CAMSAP1: variants seen among roughly 807,000 people sequenced by gnomAD.
The protein encoded by CAMSAP1 is calmodulin regulated spectrin associated protein 1.
Under a neutral mutation model 143.5 loss-of-function variants are expected in CAMSAP1, and 58 were observed. That is an observed-to-expected ratio of 0.40 (90% CI 0.33 to 0.50). The LOEUF is 0.50. Among genes scored for constraint, CAMSAP1 ranks in the 20% least tolerant of loss-of-function variants. CAMSAP1 has a pLI of 0.45. For missense variants in CAMSAP1, 1,969 were observed against 2,115.7 expected (o/e 0.93, Z 1.36); for synonymous variants, 945 against 859.3 (o/e 1.10, Z -1.74).
At chr9:135,869,799 T>A (rs1217560863) in intron 3 of CAMSAP1, among the ~76,000 whole-genome samples, 1 of 152,092 alleles carries the variant, frequency 6.6e-6, no homozygotes, top group East Asian at 1.9e-4. Flanking sequence ...AACTGATAAA[T>A]GAATAAACAA....
rs1392732446 is a variant in CAMSAP1, at chr9:135,809,511, A to G, written c.*1798T>C. The G allele has an allele frequency of 6.6e-6, 1 of 152,492 alleles. No individual in the cohort carries two copies. Among genetic ancestry groups the G allele is most frequent in the East Asian group, 1.9e-4 (1 of 5,206 alleles). 9.4% of individuals were successfully genotyped at this position (152,492 alleles called of 1,614,324 possible). ...TGGTAAAGAACAATGTGAAACTCCT[A>G]TAAAGCAAGGAGTTGGTGTCGCCTG... On this transcript the variant is annotated 3_prime_UTR_variant, in exon 17 of 17. Transcript: ENST00000389532.
At position 135,822,747 on chromosome 9, in the gene CAMSAP1, C is replaced by T. The variant is rs781198511; in HGVS notation, c.1914G>A (p.Arg638=). The part of the protein sequence containing the change: ...PSEGPQPLVR[R]KMTGSRDLNR... ...TCAAGTCGCGACTGCCAGTCATTTTCCTTCGTACCAAAGGCTGGGGGCCCT... is the reference window on the plus strand; with the variant it reads ...TCAAGTCGCGACTGCCAGTCATTTTTCTTCGTACCAAAGGCTGGGGGCCCT... The change falls in exon 11 of 17, where the codon AGG becomes AGA. Residue 638 remains arginine, a synonymous_variant. Transcript: ENST00000389532. This position sits in a 1 kb window ranked among gnomAD's most constrained non-coding sequence, Gnocchi z 6.1. 2.5e-6 allele frequency: 4 copies of T among 1,613,062 alleles called. No homozygotes were observed. The highest frequency in any genetic ancestry group is 1.6e-4 in the Middle Eastern group (1 of 6,084).
At chr9:135,815,290 G>A (rs1835190655) in intron 15 of CAMSAP1, 75 bp from the exon 16 acceptor site, 1 of 930,324 alleles carries the variant, frequency 1.1e-6, no homozygotes, top group East Asian at 2.7e-5. Flanking sequence ...AACCAGCAAT[G>A]TCTTAGAAGC....
At chr9:135,864,739 A>G (rs1837314292) in intron 4 of CAMSAP1, among the ~76,000 whole-genome samples, 1 of 152,236 alleles carries the variant, frequency 6.6e-6, no homozygotes, top group African/African-American at 2.4e-5. Flanking sequence ...GCCTGTGGCC[A>G]GGCTGACCTA....
At chr9:135,817,939 C>T (rs1314381711) in intron 14 of CAMSAP1, 38 bp downstream of exon 14, 5 of 1,588,006 alleles carry the variant, frequency 3.1e-6, no homozygotes, top group Non-Finnish European at 4.3e-6. Flanking sequence ...TCCGAACGTC[C>T]TCCAGCCCCG....
rs982500636 is a variant in CAMSAP1 at position 135,815,316 on chromosome 9, T to C, written c.4388-101A>G. The C allele has an allele frequency of 5.1e-6, 3 of 585,076 alleles. No individual in the cohort carries two copies. The African/African-American group carries it at 5.7e-5, about 11-fold the overall frequency. The allele number at this position is 585,076 out of a possible 1,614,324, so 36.2% of individuals were successfully genotyped here. On this transcript the variant is annotated intron_variant, in intron 15 of 16. Transcript: ENST00000389532. ...TCTTAGAAGCAAGCAATGGGTAGGC[T>C]GAATTACAGATATTTATGATTATTT... is the stretch of plus-strand genomic sequence containing the variant.
chr9:135,818,153 C>A lies in CAMSAP1; in HGVS notation c.4169-74G>T. ...CAAGTACCTGTCCCCTGTACCTGTT[C>A]CCCTCACCTCGCCCTGCAGAGCTCG... On this transcript the variant is annotated intron_variant, in intron 13 of 16. Coordinates refer to ENST00000389532, the MANE Select transcript of CAMSAP1 (RefSeq NM_015447.4). This position sits in a 1 kb window ranked among gnomAD's most constrained non-coding sequence, Gnocchi z 7.7. 3 of 1,449,530 alleles carry A rather than the reference C, an allele frequency of 2.1e-6. No individual in the cohort carries two copies. The highest frequency in any genetic ancestry group is 2.4e-5 in the South Asian group (2 of 83,118). The allele number at this position is 1,449,530 out of a possible 1,614,324, so 89.8% of individuals were successfully genotyped here.
intron 7 of CAMSAP1, among the ~76,000 whole-genome samples, chr9:135,828,805 G>C (rs1288734791): frequency 6.6e-6 from 1 of 152,196 alleles, no homozygotes; most frequent in Non-Finnish European, 1.5e-5. Flanking sequence ...AGCAGCAAGA[G>C]AAAAGTGATT....
chr9:135,857,963 G>A (rs920924163), intron 5 of CAMSAP1, among the ~76,000 whole-genome samples: 15 of 152,078 alleles, frequency 9.9e-5, no homozygotes, highest in African/African-American at 2.9e-4. Flanking sequence ...ATCTACTGAG[G>A]GCATGTGAGG....
intron 3 of CAMSAP1, among the ~76,000 whole-genome samples, chr9:135,874,549 A>G: frequency 6.6e-6 from 1 of 151,910 alleles, no homozygotes; most frequent in Non-Finnish European, 1.5e-5. Context: ...TACAACCAAC[A>G]TTCATCATTT....
chr9:135,886,980 T>G (rs1204752236), intron 1 of CAMSAP1, among the ~76,000 whole-genome samples: 5 of 152,144 alleles, frequency 3.3e-5, no homozygotes, highest in African/African-American at 1.2e-4. Context: ...ACAGGAGAGA[T>G]GAGCCTGTGG....
intron 1 of CAMSAP1, among the ~76,000 whole-genome samples, chr9:135,892,276 G>A (rs1588508818): frequency 6.6e-6 from 1 of 152,064 alleles, no homozygotes; most frequent in East Asian, 1.9e-4. Context: ...ACAACTTGAG[G>A]TACCAGCCAC....
At chr9:135,833,120 C>T (rs1355508925) in intron 7 of CAMSAP1, among the ~76,000 whole-genome samples, 2 of 145,370 alleles carry the variant, frequency 1.4e-5, no homozygotes, top group South Asian at 2.2e-4. Flanking sequence ...CTCGCTCTGT[C>T]GCCCAGGCTG....
At position 135,811,611 on chromosome 9, in the gene CAMSAP1, C is replaced by T; in HGVS notation, c.4507G>A (p.Glu1503Lys). The change falls in exon 17 of 17, where the codon GAG becomes AAG. Residue 1503 changes from glutamate (E) to lysine (K), a missense_variant and splice_region_variant. Coordinates refer to ENST00000389532, the MANE Select transcript of CAMSAP1 (RefSeq NM_015447.4). This position sits in a 1 kb window ranked among gnomAD's most constrained non-coding sequence, Gnocchi z 4.9. ...TGATTGGCATCACACTTCTCCAGCT[C>T]CTGTGCAGAGAGAGAAAAGGGGAAG... ...NEPHKNSILE[E>K]LEKCDANHYI... is the part of the protein sequence containing the mutation. 6.3e-7 allele frequency: 1 copy of T among 1,580,732 alleles called. No homozygotes were observed. The highest frequency in any genetic ancestry group is 8.6e-7 in the Non-Finnish European group (1 of 1,162,838).
chr9:135,818,695 G>C lies in CAMSAP1; in HGVS notation c.3960-79C>G. ...GCCTGCGCCGCGGCGCTCTGTCCAGGCGCGTTTCTCGGGTTCTCCCCGGCC... is the reference window on the plus strand; with the variant it reads ...GCCTGCGCCGCGGCGCTCTGTCCAGCCGCGTTTCTCGGGTTCTCCCCGGCC... On this transcript the variant is annotated intron_variant, in intron 12 of 16. Transcript: ENST00000389532. This position sits in a 1 kb window ranked among gnomAD's most constrained non-coding sequence, Gnocchi z 7.7. 1 of 1,494,100 alleles carries C rather than the reference G, an allele frequency of 6.7e-7. No individual in the cohort carries two copies. Among genetic ancestry groups the C allele is most frequent in the Non-Finnish European group, 9.0e-7 (1 of 1,112,446 alleles). 92.6% of individuals were successfully genotyped at this position (1,494,100 alleles called of 1,614,324 possible).
In CAMSAP1 at chr9:135,867,577, A is replaced by G. The variant is rs1837425720; in HGVS notation, c.586-1041T>C. Among the ~76,000 whole-genome samples the G allele has an allele frequency of 2.0e-5, 3 of 152,248 alleles. No individual in the cohort carries two copies. In the South Asian group the frequency reaches 6.2e-4, roughly 32 times the overall value. On this transcript the variant is annotated intron_variant, in intron 3 of 16. Transcript: ENST00000389532. ...CAGTCATATTTTTGGAGGAAAGTCG[A>G]AGCCACTAAAAAAGCACCACGTAAA... is the stretch of plus-strand genomic sequence containing the variant.
intron 1 of CAMSAP1, among the ~76,000 whole-genome samples, chr9:135,896,013 AATG>A (rs367806918): frequency 1.8e-3 from 267 of 152,350 alleles, no homozygotes; most frequent in African/African-American, 4.6e-3. Flanking sequence ...CAAACTATAA[AATG>A]TCAGACTCAA....
chr9:135,868,502 A>G (rs1045075728), intron 3 of CAMSAP1, among the ~76,000 whole-genome samples: 1 of 152,148 alleles, frequency 6.6e-6, no homozygotes, highest in African/African-American at 2.4e-5. Context: ...TTTTTCCAGT[A>G]ATAAAATTTG....
In CAMSAP1 at chr9:135,810,117, C is replaced by T. The variant is rs1834991118; in HGVS notation, c.*1192G>A. ...TCTGGCAGCCATGGCTGGCACGCAC[C>T]TGCTCCTGGGAATGTCCGCGCTCCA... On this transcript the variant is annotated 3_prime_UTR_variant, in exon 17 of 17. Transcript: ENST00000389532. The T allele has an allele frequency of 6.6e-6, 1 of 152,576 alleles. No individual in the cohort carries two copies. The allele number at this position is 152,576 out of a possible 1,614,324, so 9.5% of individuals were successfully genotyped here.
Sources: gnomAD v4.1 joint callset for allele counts (sites outside exome capture counted in the v4.1 genomes callset) on GRCh38, gnomAD v4.1.1 for gene constraint, Gnocchi (gnomAD v3.1) non-coding constraint, MANE v1.5 for transcripts, NCBI Gene and HGNC (gene_info 2026-07-23, HGNC 2026-07-21) for gene names.